Variants in TSEN34 observed in about 807,000 individuals in gnomAD.
The protein encoded by TSEN34 is tRNA splicing endonuclease subunit 34, also known as tRNA-splicing endonuclease subunit Sen34.
Under a neutral mutation model 30.2 loss-of-function variants are expected in TSEN34, and 25 were observed. The observed-to-expected ratio is 0.83, with a 90% CI of 0.60 to 1.16. TSEN34 has a LOEUF of 1.16. TSEN34 is among the 50% of genes most tolerant of loss of function. TSEN34 has a pLI of 0.00. For synonymous variants in TSEN34, 209 were observed against 177.4 expected (o/e 1.18, Z -1.41); for missense variants, 475 against 411.9 (o/e 1.15, Z -1.33).
chr19:54,191,831 G>A lies in TSEN34; in HGVS notation c.354G>A (p.Glu118=). 1 of 1,614,200 alleles carries A rather than the reference G, an allele frequency of 6.2e-7. No individual in the cohort carries two copies. The highest frequency in any genetic ancestry group is 1.1e-5 in the South Asian group (1 of 91,084). Residue 118 remains glutamate, a synonymous_variant, in exon 2 of 4, where the codon GAG becomes GAA. Transcript: ENST00000396388. ...AGGAGCTCCTGGAGAAGATTACGGA[G>A]GGCCAGGCTGCTAAGAAGCAGAAAC... is the stretch of plus-strand genomic sequence containing the variant. ...RRQELLEKIT[E]GQAAKKQKLE...
chr19:54,192,745 C>G (rs1270843597), intron 3 of TSEN34, among the ~76,000 whole-genome samples: 1 of 152,180 alleles, frequency 6.6e-6, no homozygotes, highest in East Asian at 1.9e-4. Flanking sequence ...TGGCTCACGC[C>G]TGTAATCCCA....
At chr19:54,190,039 G>A (rs1568839007), upstream of TSEN34, 2 of 532,014 alleles carry the variant, frequency 3.8e-6, no homozygotes, top group Non-Finnish European at 6.6e-6. Flanking sequence ...TTTACAAGGG[G>A]GCGGGGCGAA....
In TSEN34 at chr19:54,193,759, T is replaced by C. The variant is rs985925538; in HGVS notation, c.*397T>C. 2.8e-6 allele frequency: 2 copies of C among 703,590 alleles called. No homozygotes were observed. The highest frequency in any genetic ancestry group is 5.2e-6 in the Non-Finnish European group (2 of 388,234). The allele number at this position is 703,590 out of a possible 1,614,324, so 43.6% of individuals were successfully genotyped here. A position where few individuals can be genotyped will look rare whatever the true frequency, so the allele number is the denominator to read the frequency against. On this transcript the variant is annotated 3_prime_UTR_variant, in exon 4 of 4. Coordinates refer to ENST00000396388, the MANE Select transcript of TSEN34 (RefSeq NM_001077446.4). The stretch of plus-strand genomic sequence containing the variant: ...AAAGGCCTGGAGGAGGGGGACTGAC[T>C]TGCCCAAAGTCACACACTTAGTAAA...
chr19:54,191,165 G>T, upstream of TSEN34: 1 of 1,363,704 alleles, frequency 7.3e-7, no homozygotes. Context: ...TCCGGCGGCC[G>T]CGAGGCCTGG....
intron 3 of TSEN34, among the ~76,000 whole-genome samples, chr19:54,192,860 C>G (rs1410612821): frequency 6.6e-6 from 1 of 152,066 alleles, no homozygotes; most frequent in East Asian, 1.9e-4. Context: ...CTAAAACTAA[C>G]TGGGCGTGGT....
In TSEN34 at chr19:54,193,291, C is replaced by T. The variant is rs1000906274; in HGVS notation, c.862C>T (p.Leu288=). 1 of 1,614,158 alleles carries T rather than the reference C, an allele frequency of 6.2e-7. No homozygotes were observed. The highest frequency in any genetic ancestry group is 1.1e-5 in the South Asian group (1 of 91,068). ...GRLGTSVRKT[L]LLCSPQPDGK... ...CCTTGGAACCAGCGTCAGAAAGACC[C>T]TGCTCCTCTGTTCTCCGCAGCCTGA... The change falls in exon 4 of 4, where the codon CTG becomes TTG. Residue 288 remains leucine (L), a synonymous_variant. Transcript: ENST00000396388.
In TSEN34 at chr19:54,191,845, A is replaced by G; in HGVS notation, c.368A>G (p.Lys123Arg). ...AAGATTACGGAGGGCCAGGCTGCTA[A>G]GAAGCAGAAACTAGAACAGGCTTCA... Reference protein sequence around the residue: ...LEKITEGQAAKKQKLEQASGA... With the variant: ...LEKITEGQAARKQKLEQASGA... Residue 123 changes from lysine (K) to arginine (R), a missense_variant, in exon 2 of 4, where the codon AAG becomes AGG. Lys to Arg is a conservative substitution (Grantham distance 26). Transcript: ENST00000396388. 2 of 1,614,156 alleles carry G rather than the reference A, an allele frequency of 1.2e-6. No individual in the cohort carries two copies. The highest frequency in any genetic ancestry group is 1.7e-6 in the Non-Finnish European group (2 of 1,180,014).
At position 54,193,262 on chromosome 19, in the gene TSEN34, G is replaced by T; in HGVS notation, c.833G>T (p.Gly278Val). The change falls in exon 4 of 4, where the codon GGG (glycine) becomes GTG (valine). Residue 278 changes from glycine (G) to valine (V), a missense_variant. Transcript: ENST00000396388. ...TIPLQDLVAA[G>V]RLGTSVRKTL... ...CCACTCCAAGACCTGGTTGCTGCTG[G>T]GCGCCTTGGAACCAGCGTCAGAAAG... 1 of 1,614,108 alleles carries T rather than the reference G, an allele frequency of 6.2e-7. No individual in the cohort carries two copies. Among genetic ancestry groups the T allele is most frequent in the Non-Finnish European group, 8.5e-7 (1 of 1,180,030 alleles).
chr19:54,192,297 C>G lies in TSEN34; in HGVS notation c.669C>G (p.Ile223Met), dbSNP rs781294390. 3 of 1,614,082 alleles carry G rather than the reference C, an allele frequency of 1.9e-6. No individual in the cohort carries two copies. In the South Asian group the frequency reaches 3.3e-5, roughly 18 times the overall value. Residue 223 changes from isoleucine (I) to methionine (M), a missense_variant, in exon 3 of 4, where the codon ATC (isoleucine) becomes ATG (methionine). Ile to Met is a conservative substitution (Grantham distance 10). Coordinates refer to ENST00000396388, the MANE Select transcript of TSEN34 (RefSeq NM_001077446.4). Reference protein sequence around the residue: ...GRPAHELRYSIYRDLWERGFF... With the variant: ...GRPAHELRYSMYRDLWERGFF... Reference sequence around the variant, plus strand: ...CTGCCCACGAGCTGCGCTACAGTATCTACAGAGACCTGTGGGAGCGAGGCT... The same window carrying G: ...CTGCCCACGAGCTGCGCTACAGTATGTACAGAGACCTGTGGGAGCGAGGCT...
In TSEN34 at chr19:54,194,031, G is replaced by C. The variant is rs1016989676; in HGVS notation, c.*669G>C. 5.2e-5 allele frequency: 11 copies of C among 210,864 alleles called. No individual in the cohort carries two copies. Among genetic ancestry groups the C allele is most frequent in the Non-Finnish European group, 1.0e-4 (11 of 105,674 alleles). The allele number at this position is 210,864 out of a possible 1,614,324, so 13.1% of individuals were successfully genotyped here. ...AGCTCTGGCAACATTGTAATACCCA[G>C]TCTCTACAAAAAATAATTTAAAAAA... On this transcript the variant is annotated 3_prime_UTR_variant, in exon 4 of 4. Transcript: ENST00000396388.
chr19:54,190,482 G>C (rs1294956851), upstream of TSEN34: 6 of 1,372,300 alleles, frequency 4.4e-6, no homozygotes, highest in Admixed American at 2.2e-4. Context: ...GTGGACGGCG[G>C]GTGTCCAGGG....
rs925711973 is a variant in TSEN34 at position 54,191,568 on chromosome 19, G to C, written c.204G>C (p.Leu68=). ...RLLAEIGAVT[L]VSAPRPDSRH... is the part of the protein sequence containing the mutation. ...TGGCCGAGATCGGCGCCGTGACTCTGGTCAGCGCCCCGCGTCCAGACTCTC... is the reference window on the plus strand; with the variant it reads ...TGGCCGAGATCGGCGCCGTGACTCTCGTCAGCGCCCCGCGTCCAGACTCTC... The change falls in exon 1 of 4, where the codon CTG becomes CTC. Residue 68 remains leucine, a synonymous_variant. Coordinates refer to ENST00000396388, the MANE Select transcript of TSEN34 (RefSeq NM_001077446.4). 6 of 1,602,248 alleles carry C rather than the reference G, an allele frequency of 3.7e-6. No individual in the cohort carries two copies. In the Admixed American group the frequency reaches 1.0e-4, roughly 27 times the overall value.
upstream of TSEN34, chr19:54,191,188 G>A (rs1028773280): frequency 7.2e-7 from 1 of 1,384,740 alleles, no homozygotes; most frequent in African/African-American, 1.6e-5. Context: ...GGATCGCCCG[G>A]GGGCGGGGCC....
In TSEN34 at chr19:54,191,459, C is replaced by T. The variant is rs770199288; in HGVS notation, c.95C>T (p.Thr32Met). 3.9e-5 allele frequency: 61 copies of T among 1,547,754 alleles called. 1 individual carries two copies. Among genetic ancestry groups the T allele is most frequent in the Middle Eastern group, 4.6e-4 (2 of 4,388 alleles). ...GAGCGCCTGGGTGTGGGGGGCCGCA[C>T]GGTAGGCGCCCTGCCCCGCGGGCCC... ...LRERLGVGGRTVGALPRGPRQ... is the reference protein window; with the variant it reads ...LRERLGVGGRMVGALPRGPRQ... Residue 32 changes from threonine (T) to methionine (M), a missense_variant, in exon 1 of 4, where the codon ACG becomes ATG. Physicochemically the swap from Thr to Met is moderately conservative, Grantham distance 81. Coordinates refer to ENST00000396388, the MANE Select transcript of TSEN34 (RefSeq NM_001077446.4).
chr19:54,193,391 G>A lies in TSEN34; in HGVS notation c.*29G>A, dbSNP rs2289145. ...CCAGAGACCTAGGGGATGTGGCTGT[G>A]TCGGCAGCAAGAGCCTTTCTGGATG... On this transcript the variant is annotated 3_prime_UTR_variant, in exon 4 of 4. Transcript: ENST00000396388. 0.01 allele frequency: 16,147 copies of A among 1,613,706 alleles called. 737 individuals are homozygous for A. The East Asian group carries it at 0.15, about 15-fold the overall frequency.
upstream of TSEN34, chr19:54,191,185 C>T (rs1568844998): frequency 2.2e-6 from 3 of 1,385,040 alleles, no homozygotes; most frequent in Non-Finnish European, 2.8e-6. Context: ...GTGGGATCGC[C>T]CGGGGGCGGG....
At chr19:54,190,144 G>C, upstream of TSEN34, 1 of 562,800 alleles carries the variant, frequency 1.8e-6, no homozygotes, top group South Asian at 2.0e-5. Flanking sequence ...AAGTAGAGGA[G>C]AGGAAGCGGC....
upstream of TSEN34, chr19:54,190,141 G>A (rs890577311): frequency 2.7e-5 from 15 of 562,222 alleles, no homozygotes; most frequent in Non-Finnish European, 4.1e-5. Context: ...CCCAAGTAGA[G>A]GAGAGGAAGC....
In TSEN34 at chr19:54,193,429, TCTC is replaced by T; in HGVS notation, c.*68_*70del. On this transcript the variant is annotated 3_prime_UTR_variant, in exon 4 of 4. Transcript: ENST00000396388. ...GCCTTTCTGGATGTTCCCCAGCTCT[TCTC>T]TGGGAGTCTAGAACATCCTCCTACC... 1.2e-6 allele frequency: 2 copies of T among 1,603,276 alleles called. No individual in the cohort carries two copies. The highest frequency in any genetic ancestry group is 2.3e-5 in the East Asian group (1 of 44,154).
Sources: gnomAD v4.1 joint callset for allele counts (sites outside exome capture counted in the v4.1 genomes callset) on GRCh38, gnomAD v4.1.1 for gene constraint, MANE v1.5 for transcripts, NCBI Gene and HGNC (gene_info 2026-07-23, HGNC 2026-07-21) for gene names.